Variants in PAK2 observed in about 807,000 individuals in gnomAD.
PAK2 encodes p21 (RAC1) activated kinase 2.
Under a neutral mutation model 65.9 loss-of-function variants are expected in PAK2, and 21 were observed. The observed-to-expected ratio is 0.32, with a 90% confidence interval of 0.23 to 0.46. The LOEUF is 0.46. Ranked by LOEUF, PAK2 falls within the 20% of genes least tolerant of loss-of-function variation. The pLI is 1.00. For synonymous variants in PAK2, 204 were observed against 219.7 expected (o/e 0.93, Z 0.63); for missense variants, 324 against 642.6 (o/e 0.50, Z 5.36).
intron 1 of PAK2, among the ~76,000 whole-genome samples, chr3:196,751,664 TATTTATATACA>T (rs1560089744): frequency 0.11 from 4,096 of 36,248 alleles, 413 homozygotes; most frequent in Non-Finnish European, 0.15. Context: ...CACACAAATT[TATTTATATACA>T]TATATATATA....
chr3:196,808,080 G>C, intron 7 of PAK2, 166 bp downstream of exon 7: 1 of 577,944 alleles, frequency 1.7e-6, no homozygotes, highest in South Asian at 2.2e-5. Context: ...ATGTCACCAG[G>C]TTCACCCCTA....
chr3:196,753,102 G>T (rs981634481), intron 1 of PAK2, among the ~76,000 whole-genome samples: 4 of 151,614 alleles, frequency 2.6e-5, no homozygotes, highest in African/African-American at 9.7e-5. Context: ...GGGATTACAG[G>T]CACCCACCAC....
chr3:196,812,744 T>A lies in PAK2; in HGVS notation c.828T>A (p.Ala276=), dbSNP rs766800354. ...ATDVALGQEV[A]IKQINLQKQP... is the part of the protein sequence containing the mutation. ...CAATCCTGTTTTCATTATAGGTTGCTATCAAACAAATTAATTTACAGAAAC... is the reference window on the plus strand; with the variant it reads ...CAATCCTGTTTTCATTATAGGTTGCAATCAAACAAATTAATTTACAGAAAC... The change falls in exon 10 of 15, where the codon GCT becomes GCA. Residue 276 remains alanine, a synonymous_variant. Transcript: ENST00000327134. The A allele has an allele frequency of 1.5e-6, 2 of 1,379,296 alleles. No individual in the cohort carries two copies. Among genetic ancestry groups the A allele is most frequent in the South Asian group, 2.3e-5 (2 of 85,142 alleles). 85.4% of individuals were successfully genotyped at this position (1,379,296 alleles called of 1,614,324 possible). A position where few individuals can be genotyped will look rare whatever the true frequency, so the allele number is the denominator to read the frequency against.
intron 12 of PAK2, 125 bp downstream of exon 12, chr3:196,818,281 G>C (rs963841021): frequency 3.7e-6 from 2 of 537,336 alleles, no homozygotes; most frequent in African/African-American, 3.8e-5. Flanking sequence ...TGAGACCTTT[G>C]AAAACTGAGT....
At chr3:196,785,792 G>T (rs780737276) in intron 2 of PAK2, among the ~76,000 whole-genome samples, 6 of 152,152 alleles carry the variant, frequency 3.9e-5, no homozygotes, top group Non-Finnish European at 8.8e-5. Flanking sequence ...GTCCTACGTG[G>T]ATGACAGCAG....
chr3:196,800,972 G>GTAA (rs1424987957), intron 2 of PAK2, among the ~76,000 whole-genome samples: 1 of 152,060 alleles, frequency 6.6e-6, no homozygotes, highest in Non-Finnish European at 1.5e-5. Context: ...GAGAGGGAGG[G>GTAA]GGTAGGGGGA....
chr3:196,792,540 GATGGAC>G (rs1715106569), intron 2 of PAK2, among the ~76,000 whole-genome samples: 1 of 152,194 alleles, frequency 6.6e-6, no homozygotes, highest in Non-Finnish European at 1.5e-5. Flanking sequence ...CTAGAGAGGA[GATGGAC>G]ATTTGAGCAT....
At chr3:196,759,525 T>TTTTTTTTTTTTTTTTTTTG (rs1560092904) in intron 1 of PAK2, among the ~76,000 whole-genome samples, 13 of 131,628 alleles carry the variant, frequency 9.9e-5, no homozygotes, top group Non-Finnish European at 1.9e-4. Flanking sequence ...TTTTTTTTTT[T>TTTTTTTTTTTTTTTTTTTG]TTTTTTTTTT....
At chr3:196,762,719 G>A (rs544282933) in intron 1 of PAK2, among the ~76,000 whole-genome samples, 7 of 149,368 alleles carry the variant, frequency 4.7e-5, no homozygotes, top group African/African-American at 1.5e-4. Flanking sequence ...CGCTTTAACC[G>A]GGGAGGCGGA....
At position 196,806,665 on chromosome 3, in the gene PAK2, G is replaced by C; in HGVS notation, c.555G>C (p.Pro185=). The C allele has an allele frequency of 1.2e-6, 2 of 1,606,306 alleles. No individual in the cohort carries two copies. The highest frequency in any genetic ancestry group is 2.2e-5 in the South Asian group (2 of 90,908). ...DEETAPPVIA[P]RPDHTKSIYT... is the part of the protein sequence containing the mutation. ...AGACTGCTCCTCCCGTTATTGCCCCGCGACCGGATCATACGAAATCAGTGA... is the reference window on the plus strand; with the variant it reads ...AGACTGCTCCTCCCGTTATTGCCCCCCGACCGGATCATACGAAATCAGTGA... The change falls in exon 6 of 15, where the codon CCG becomes CCC. Residue 185 remains proline, a synonymous_variant. Coordinates refer to ENST00000327134, the MANE Select transcript of PAK2 (RefSeq NM_002577.4).
In PAK2 at chr3:196,807,741, C is replaced by T. The variant is rs748607572; in HGVS notation, c.577-41C>T. The T allele has an allele frequency of 4.3e-6, 5 of 1,175,500 alleles. No individual in the cohort carries two copies. The South Asian group carries it at 6.7e-5, about 16-fold the overall frequency. The allele number at this position is 1,175,500 out of a possible 1,614,324, so 72.8% of individuals were successfully genotyped here. On this transcript the variant is annotated intron_variant, in intron 6 of 14. Transcript: ENST00000327134. ...GTTTGCCAGGAAGAATATCTGAAAA[C>T]ATTATTCCTCAAACCTTGGTAATGA...
intron 2 of PAK2, among the ~76,000 whole-genome samples, chr3:196,793,482 A>G (rs1229493197): frequency 6.6e-6 from 1 of 152,220 alleles, no homozygotes; most frequent in Non-Finnish European, 1.5e-5. Context: ...AGGTTGGCTT[A>G]ACTCCCAGTT....
chr3:196,809,856 C>T (rs1256866926), intron 7 of PAK2, among the ~76,000 whole-genome samples: 1 of 151,816 alleles, frequency 6.6e-6, no homozygotes, highest in Non-Finnish European at 1.5e-5. Context: ...TCCTTTTTTA[C>T]CTTGAGCAAG....
intron 10 of PAK2, among the ~76,000 whole-genome samples, chr3:196,813,923 C>T (rs1209029721): frequency 6.6e-6 from 1 of 152,138 alleles, no homozygotes; most frequent in Non-Finnish European, 1.5e-5. Flanking sequence ...GCACTCCAGC[C>T]TGGCAACAGA....
At chr3:196,807,380 G>A (rs2108760338) in intron 6 of PAK2, among the ~76,000 whole-genome samples, 1 of 152,246 alleles carries the variant, frequency 6.6e-6, no homozygotes, top group East Asian at 1.9e-4. Context: ...TTATAATTGT[G>A]TAAAAACTTT....
At chr3:196,802,061 T>C (rs1157470607) in intron 3 of PAK2, 34 bp downstream of exon 3, 1 of 1,035,100 alleles carries the variant, frequency 9.7e-7, no homozygotes, top group African/African-American at 1.6e-5. Flanking sequence ...ATTTATAACG[T>C]TTAAAATAGC....
At position 196,779,823 on chromosome 3, in the gene PAK2, A is replaced by C. The variant is rs1018276660; in HGVS notation, c.-21-2803A>C. The stretch of plus-strand genomic sequence containing the variant: ...GTAGCTGGGACTACAGGCGTGCGCC[A>C]CCACACCTGACTAATTTTTGTATTT... On this transcript the variant is annotated intron_variant, in intron 1 of 14. Coordinates refer to ENST00000327134, the MANE Select transcript of PAK2 (RefSeq NM_002577.4). Among the ~76,000 whole-genome samples the C allele has an allele frequency of 2.0e-5, 3 of 152,178 alleles. No homozygotes were observed. In the East Asian group the frequency reaches 5.8e-4, roughly 29 times the overall value.
At chr3:196,767,911 A>G (rs1714228000) in intron 1 of PAK2, among the ~76,000 whole-genome samples, 1 of 152,032 alleles carries the variant, frequency 6.6e-6, no homozygotes, top group Non-Finnish European at 1.5e-5. Flanking sequence ...CATCATATGG[A>G]CTCTGCTGTT....
rs1714922244 is a variant in PAK2, at chr3:196,787,326, A to G, written c.187+4493A>G. Among the ~76,000 whole-genome samples the G allele has an allele frequency of 2.0e-5, 3 of 152,212 alleles. No individual in the cohort carries two copies. In the South Asian group the frequency reaches 6.2e-4, roughly 32 times the overall value. The stretch of plus-strand genomic sequence containing the variant: ...CCGGGCACCGTGGCTTATGCCTGTA[A>G]TCTCAGCACTTTGGGAGGCCGAGGC... On this transcript the variant is annotated intron_variant, in intron 2 of 14. Transcript: ENST00000327134.
Sources: allele counts gnomAD v4.1 joint callset (sites outside exome capture counted in the v4.1 genomes callset), GRCh38; gene constraint gnomAD v4.1.1; transcripts MANE v1.5; gene names NCBI Gene and HGNC (gene_info 2026-07-23, HGNC 2026-07-21).